The following TBC1D5 variants were observed in gnomAD, a reference collection of about 807,000 sequenced individuals.
The protein encoded by TBC1D5 is TBC1 domain family, member 5.
In TBC1D5, 75 loss-of-function variants were observed where a neutral mutation model predicts 100.3. The ratio of observed to expected loss-of-function variants is 0.75; its 90% CI spans 0.62 to 0.91. The LOEUF is 0.91. TBC1D5 is among the 40% of genes least tolerant of loss of function. The probability of loss-of-function intolerance (pLI) is 0.00; values close to 1 mark genes in which losing one functional copy is unlikely to be tolerated. For missense variants in TBC1D5, 910 were observed against 942.4 expected (o/e 0.97, Z 0.45); for synonymous variants, 323 against 325.6 (o/e 0.99, Z 0.09).
intron 13 of TBC1D5, among the ~76,000 whole-genome samples, chr3:17,337,130 T>G (rs1285065109): frequency 2.7e-5 from 4 of 150,434 alleles, no homozygotes; most frequent in Non-Finnish European, 5.9e-5. Flanking sequence ...GAGGTTTTTT[T>G]TTTTTTTTTT....
chr3:17,188,300 G>T (rs1004415777), intron 18 of TBC1D5, among the ~76,000 whole-genome samples: 9 of 152,132 alleles, frequency 5.9e-5, no homozygotes, highest in Non-Finnish European at 1.0e-4. Context: ...TTCAATTTTT[G>T]CTTAGGGCTC....
At chr3:17,549,096 G>C (rs1042137518) in intron 2 of TBC1D5, among the ~76,000 whole-genome samples, 12 of 151,164 alleles carry the variant, frequency 7.9e-5, no homozygotes, top group African/African-American at 2.9e-4. Flanking sequence ...TCAGGAGTTA[G>C]AGACCAGCCT....
chr3:17,437,371 C>T (rs1559883840), intron 3 of TBC1D5, among the ~76,000 whole-genome samples: 1 of 152,082 alleles, frequency 6.6e-6, no homozygotes, highest in African/African-American at 2.4e-5. Context: ...TTTCCAGGTA[C>T]TCTATGGATA....
At chr3:17,648,053 T>C (rs2065172411) in intron 1 of TBC1D5, among the ~76,000 whole-genome samples, 1 of 152,120 alleles carries the variant, frequency 6.6e-6, no homozygotes, top group Non-Finnish European at 1.5e-5. Flanking sequence ...AGAACAATGC[T>C]GGAAGCATCT....
chr3:17,344,343 G>T (rs1005514711), intron 13 of TBC1D5, among the ~76,000 whole-genome samples: 12 of 152,254 alleles, frequency 7.9e-5, no homozygotes, highest in South Asian at 4.1e-4. Context: ...AAAATACTGA[G>T]GAATCCCACT....
At chr3:17,666,420 T>C (rs765471830) in intron 1 of TBC1D5, among the ~76,000 whole-genome samples, 1 of 152,280 alleles carries the variant, frequency 6.6e-6, no homozygotes, top group South Asian at 2.1e-4. Context: ...CTTTTATCTA[T>C]AAAGTAACAT....
intron 17 of TBC1D5, among the ~76,000 whole-genome samples, chr3:17,235,503 G>A (rs2075784034): frequency 6.6e-6 from 1 of 152,208 alleles, no homozygotes; most frequent in African/African-American, 2.4e-5. Flanking sequence ...TGTGTTCACT[G>A]ATCTATGGGA....
At chr3:17,453,079 T>TA (rs570210975) in intron 3 of TBC1D5, among the ~76,000 whole-genome samples, 7,268 of 81,930 alleles carry the variant, frequency 0.089, 205 homozygotes, top group Middle Eastern at 0.19. Context: ...AATGAAGAAA[T>TA]AAAAAAAAAA....
chr3:17,650,387 A>C (rs1380344757), intron 1 of TBC1D5, among the ~76,000 whole-genome samples: 2 of 152,204 alleles, frequency 1.3e-5, no homozygotes, highest in African/African-American at 4.8e-5. Context: ...AAATGGCTGG[A>C]TTCTAATAAG....
At chr3:17,685,431 T>C (rs2070130761) in intron 1 of TBC1D5, among the ~76,000 whole-genome samples, 1 of 151,818 alleles carries the variant, frequency 6.6e-6, no homozygotes, top group African/African-American at 2.4e-5. Context: ...AATAATGAAA[T>C]ACATAAATAA....
At chr3:17,178,995 C>T (rs929106947) in intron 19 of TBC1D5, among the ~76,000 whole-genome samples, 1 of 151,952 alleles carries the variant, frequency 6.6e-6, no homozygotes, top group African/African-American at 2.4e-5. Flanking sequence ...GGAGGGCAGT[C>T]GCTATTCACA....
chr3:17,303,820 T>C (rs1301422109), intron 14 of TBC1D5, among the ~76,000 whole-genome samples: 5 of 144,070 alleles, frequency 3.5e-5, no homozygotes, highest in Non-Finnish European at 6.1e-5. Flanking sequence ...GAAGCCTGGA[T>C]CACAATCTAC....
At chr3:17,335,577 A>G (rs1233711368) in intron 13 of TBC1D5, among the ~76,000 whole-genome samples, 1 of 152,180 alleles carries the variant, frequency 6.6e-6, no homozygotes, top group Non-Finnish European at 1.5e-5. Flanking sequence ...AAAAAGTATC[A>G]TTAATACCGA....
chr3:17,414,704 T>G (rs1367066486), intron 4 of TBC1D5, among the ~76,000 whole-genome samples: 1 of 152,184 alleles, frequency 6.6e-6, no homozygotes, highest in Non-Finnish European at 1.5e-5. Flanking sequence ...ACCTCATTTT[T>G]AGCTTAAATC....
At chr3:17,421,436 C>T (rs2094205403) in intron 4 of TBC1D5, among the ~76,000 whole-genome samples, 1 of 152,040 alleles carries the variant, frequency 6.6e-6, no homozygotes, top group Admixed American at 6.6e-5. Flanking sequence ...ATAAAAGTTC[C>T]TCTTATATAA....
intron 1 of TBC1D5, among the ~76,000 whole-genome samples, chr3:17,650,497 A>G (rs908849767): frequency 2.6e-5 from 4 of 152,148 alleles, no homozygotes; most frequent in Admixed American, 6.5e-5. Flanking sequence ...CAAAGTAATA[A>G]TTTCAAATGG....
chr3:17,428,013 A>G (rs1249405326), intron 4 of TBC1D5, among the ~76,000 whole-genome samples: 1 of 151,914 alleles, frequency 6.6e-6, no homozygotes, highest in East Asian at 1.9e-4. Context: ...AGCAAAGAGC[A>G]CTTAATTCAA....
intron 18 of TBC1D5, among the ~76,000 whole-genome samples, chr3:17,210,098 TA>T (rs1295713261): frequency 6.6e-6 from 1 of 152,234 alleles, no homozygotes; most frequent in Non-Finnish European, 1.5e-5. Context: ...TTTGAATCTT[TA>T]ATGTCTAAAC....
intron 14 of TBC1D5, among the ~76,000 whole-genome samples, chr3:17,296,787 A>C (rs1326572955): frequency 6.6e-6 from 1 of 152,230 alleles, no homozygotes; most frequent in African/African-American, 2.4e-5. Flanking sequence ...CTCTTATGTA[A>C]ACACTTGGAT....
Sources: allele counts gnomAD v4.1 joint callset (sites outside exome capture counted in the v4.1 genomes callset), GRCh38; gene constraint gnomAD v4.1.1; transcripts MANE v1.5; gene names NCBI Gene and HGNC (gene_info 2026-07-23, HGNC 2026-07-21).